The following QDPR variants were observed in gnomAD, a reference collection of about 807,000 sequenced individuals.
QDPR encodes the protein quinoid dihydropteridine reductase.
A neutral mutation model predicts 31.7 loss-of-function variants in QDPR; 23 were observed. That is an observed-to-expected ratio of 0.73 (90% confidence interval 0.52 to 1.03). QDPR has a LOEUF of 1.03. QDPR is among the 50% of genes least tolerant of loss of function. The pLI is 0.00. For synonymous variants in QDPR, 124 were observed against 124.7 expected (o/e 0.99, Z 0.03); for missense variants, 324 against 323.8 (o/e 1.00, Z 0.00).
At chr4:17,488,127 G>T (rs929500827) in intron 6 of QDPR, among the ~76,000 whole-genome samples, 3 of 151,986 alleles carry the variant, frequency 2.0e-5, no homozygotes, top group African/African-American at 7.3e-5. Flanking sequence ...AGCTGGGCAT[G>T]GCACATGCCT....
intron 5 of QDPR, 70 bp downstream of exon 5, chr4:17,492,162 A>G (rs1352754978): frequency 1.5e-6 from 2 of 1,353,868 alleles, no homozygotes; most frequent in Non-Finnish European, 1.1e-6. Context: ...GGAAAGCTAC[A>G]GTCAGACAAA....
intron 4 of QDPR, 120 bp downstream of exon 4, chr4:17,501,599 T>C (rs1718563064): frequency 8.4e-7 from 1 of 1,185,980 alleles, no homozygotes; most frequent in Non-Finnish European, 1.2e-6. Context: ...AAAATCCATC[T>C]ATCTGTTAAG....
chr4:17,502,931 C>T (rs1718623023), intron 3 of QDPR, among the ~76,000 whole-genome samples: 1 of 152,182 alleles, frequency 6.6e-6, no homozygotes, highest in South Asian at 2.1e-4. Context: ...TGGCAGTTGC[C>T]ATCTCAACCA....
chr4:17,507,366 G>A (rs1261980448), intron 2 of QDPR, among the ~76,000 whole-genome samples: 1 of 152,166 alleles, frequency 6.6e-6, no homozygotes, highest in Non-Finnish European at 1.5e-5. Context: ...GTTATCCTTG[G>A]GAATGTGGGC....
In QDPR at chr4:17,490,458, C is replaced by A. The variant is rs1242952919; in HGVS notation, c.629+204G>T. On this transcript the variant is annotated intron_variant, in intron 6 of 6. Coordinates refer to ENST00000281243, the MANE Select transcript of QDPR (RefSeq NM_000320.3). ...GAGCCAGGATTCATGTCGGCACTAC[C>A]CATTCTGCCACTGTGCTGCCTGTCT... 5.2e-6 allele frequency: 3 copies of A among 573,594 alleles called. No homozygotes were observed. The African/African-American group carries it at 5.5e-5, about 11-fold the overall frequency. 35.5% of individuals were successfully genotyped at this position (573,594 alleles called of 1,614,324 possible).
At chr4:17,507,127 T>C (rs1347527331) in intron 2 of QDPR, among the ~76,000 whole-genome samples, 1 of 152,184 alleles carries the variant, frequency 6.6e-6, no homozygotes, top group African/African-American at 2.4e-5. Context: ...AGTATTGAGA[T>C]TACCAAGGAA....
At chr4:17,494,472 C>T (rs1560309361) in intron 4 of QDPR, among the ~76,000 whole-genome samples, 1 of 152,298 alleles carries the variant, frequency 6.6e-6, no homozygotes, top group East Asian at 1.9e-4. Flanking sequence ...GCATCTGTGC[C>T]ACTGGGACCC....
intron 1 of QDPR, among the ~76,000 whole-genome samples, chr4:17,511,453 G>A (rs923826163): frequency 1.3e-5 from 2 of 152,200 alleles, no homozygotes; most frequent in South Asian, 2.1e-4. Flanking sequence ...TTTACCAGGC[G>A]TCAGGTAATT....
At chr4:17,487,318 G>T in intron 6 of QDPR, 82 bp from the exon 7 acceptor site, 2 of 1,056,622 alleles carry the variant, frequency 1.9e-6, no homozygotes, top group South Asian at 1.3e-5. Flanking sequence ...GACGGCTTGT[G>T]GGGTGGGGGG....
intron 4 of QDPR, among the ~76,000 whole-genome samples, chr4:17,497,228 G>C (rs1027561930): frequency 2.6e-5 from 4 of 152,048 alleles, no homozygotes; most frequent in Non-Finnish European, 5.9e-5. Context: ...GTTTCTTTTA[G>C]TGCCATGTGA....
intron 4 of QDPR, among the ~76,000 whole-genome samples, chr4:17,494,954 C>T (rs915373433): frequency 1.3e-5 from 2 of 152,260 alleles, no homozygotes; most frequent in East Asian, 1.9e-4. Context: ...ATGGAGGGCA[C>T]GCACAGAACC....
chr4:17,501,643 T>C lies in QDPR; in HGVS notation c.436+76A>G. The C allele has an allele frequency of 2.6e-5, 40 of 1,553,768 alleles. No individual in the cohort carries two copies. In the South Asian group the frequency reaches 4.4e-4, roughly 17 times the overall value. On this transcript the variant is annotated intron_variant, in intron 4 of 6. Coordinates refer to ENST00000281243, the MANE Select transcript of QDPR (RefSeq NM_000320.3). ...AGGGTAAAGGCTTTAACAGTCCTCA[T>C]CCCATGAAAGTGCCCAGCAGCCCCA... is the stretch of plus-strand genomic sequence containing the variant.
intron 5 of QDPR, among the ~76,000 whole-genome samples, 197 bp from the exon 6 acceptor site, chr4:17,490,942 G>C (rs1291823478): frequency 6.6e-6 from 1 of 152,126 alleles, no homozygotes; most frequent in Non-Finnish European, 1.5e-5. Context: ...GCTAGCAAAG[G>C]CCAGATCTGA....
chr4:17,490,640 T>C (rs765068846), intron 6 of QDPR, 22 bp downstream of exon 6: 4 of 1,587,728 alleles, frequency 2.5e-6, no homozygotes, highest in South Asian at 2.2e-5. Flanking sequence ...TGCTCAGTCA[T>C]GGACATGTCT....
chr4:17,502,500 G>A (rs1305982275), intron 3 of QDPR, among the ~76,000 whole-genome samples: 1 of 152,144 alleles, frequency 6.6e-6, no homozygotes, highest in African/African-American at 2.4e-5. Context: ...GGAGGGGTTG[G>A]TAGGTGATAA....
intron 1 of QDPR, 115 bp from the exon 2 acceptor site, chr4:17,509,478 G>T: frequency 1.1e-6 from 1 of 897,712 alleles, no homozygotes; most frequent in Non-Finnish European, 1.8e-6. Context: ...TGTAATGCCA[G>T]CACTTTGGGA....
intron 2 of QDPR, 67 bp downstream of exon 2, chr4:17,509,204 C>T: frequency 8.4e-7 from 1 of 1,195,322 alleles, no homozygotes; most frequent in Admixed American, 1.7e-5. Flanking sequence ...AAAGGAAGAA[C>T]ATACAGCCAG....
chr4:17,492,641 C>T, intron 4 of QDPR: 1 of 412,670 alleles, frequency 2.4e-6, no homozygotes, highest in Non-Finnish European at 4.4e-6. Context: ...CCAGAAGAGG[C>T]CAGGAAGAAA....
intron 3 of QDPR, among the ~76,000 whole-genome samples, chr4:17,503,313 A>C (rs1486008149): frequency 6.6e-6 from 1 of 152,216 alleles, no homozygotes; most frequent in Admixed American, 6.5e-5. Flanking sequence ...ATGTTTAGGG[A>C]AAAAGAACTA....
Sources: allele counts gnomAD v4.1 joint callset (sites outside exome capture counted in the v4.1 genomes callset), GRCh38; gene constraint gnomAD v4.1.1; transcripts MANE v1.5; gene names NCBI Gene and HGNC (gene_info 2026-07-23, HGNC 2026-07-21).